MNAT1: variants seen among roughly 807,000 people sequenced by gnomAD.
The protein encoded by MNAT1 is MNAT1 component of CDK activating kinase.
A neutral mutation model predicts 42.0 loss-of-function variants in MNAT1; 43 were observed. The ratio of observed to expected loss-of-function variants is 1.02; its 90% CI spans 0.80 to 1.32. MNAT1 has a LOEUF of 1.32. Ranked by LOEUF, MNAT1 falls within the 40% of genes most tolerant of loss-of-function variation. The pLI is 0.00. For missense variants in MNAT1, 306 were observed against 350.4 expected (o/e 0.87, Z 1.01); for synonymous variants, 118 against 120.0 (o/e 0.98, Z 0.11).
chr14:60,935,578 C>A (rs1473893636), intron 7 of MNAT1, among the ~76,000 whole-genome samples: 1 of 152,052 alleles, frequency 6.6e-6, no homozygotes, highest in Non-Finnish European at 1.5e-5. Flanking sequence ...TTAACAAATA[C>A]TGTGAGTGTG....
intron 7 of MNAT1, among the ~76,000 whole-genome samples, chr14:60,917,676 G>T (rs1433308045): frequency 1.3e-5 from 2 of 150,898 alleles, no homozygotes; most frequent in Non-Finnish European, 2.9e-5. Context: ...AGGCTGGAGT[G>T]GAGTGGCGTG....
At chr14:60,967,804 G>A (rs1276463164) in intron 7 of MNAT1, among the ~76,000 whole-genome samples, 2 of 152,068 alleles carry the variant, frequency 1.3e-5, no homozygotes, top group Non-Finnish European at 2.9e-5. Context: ...GCTATTGAGG[G>A]TTTGCTTTAA....
rs531211540 is a variant in MNAT1, at chr14:60,784,392, T to G, written c.90-11825T>G. 7.2e-5 allele frequency among the ~76,000 whole-genome samples: 11 copies of G among 151,824 alleles called. No homozygotes were observed. The South Asian group carries it at 2.3e-3, about 32-fold the overall frequency. ...GAGGGTCTTGCTGTGTTGCTCAGGC[T>G]GGTCTTGAACCCCTGGACTTAAATG... On this transcript the variant is annotated intron_variant, in intron 1 of 7. Transcript: ENST00000261245.
intron 3 of MNAT1, among the ~76,000 whole-genome samples, chr14:60,805,034 T>A (rs1185363398): frequency 6.6e-6 from 1 of 152,198 alleles, no homozygotes; most frequent in Non-Finnish European, 1.5e-5. Context: ...GAAACCAAGA[T>A]AATTTAGTCC....
intron 6 of MNAT1, among the ~76,000 whole-genome samples, chr14:60,838,294 C>T (rs927913091): frequency 6.6e-6 from 1 of 152,008 alleles, no homozygotes; most frequent in Non-Finnish European, 1.5e-5. Flanking sequence ...CACCACCACA[C>T]CTGGCGAATT....
chr14:60,750,606 A>C (rs2030045357), intron 1 of MNAT1, among the ~76,000 whole-genome samples: 1 of 150,748 alleles, frequency 6.6e-6, no homozygotes, highest in African/African-American at 2.4e-5. Context: ...TTTGTAGTTA[A>C]GATGTGAAAG....
chr14:60,824,687 T>C (rs2035806350), intron 6 of MNAT1, among the ~76,000 whole-genome samples: 1 of 152,216 alleles, frequency 6.6e-6, no homozygotes, highest in Non-Finnish European at 1.5e-5. Flanking sequence ...TGAGAAATGT[T>C]AACTTCATAT....
intron 7 of MNAT1, among the ~76,000 whole-genome samples, chr14:60,965,096 C>T (rs2036658532): frequency 6.6e-6 from 1 of 152,136 alleles, no homozygotes; most frequent in African/African-American, 2.4e-5. Context: ...ATAAGCAGGA[C>T]TCTCAACGAC....
chr14:60,759,607 G>A (rs539384478), intron 1 of MNAT1, among the ~76,000 whole-genome samples: 74 of 152,256 alleles, frequency 4.9e-4, no homozygotes, highest in South Asian at 1.0e-3. Flanking sequence ...ATGAATGTTG[G>A]AAATTGTTGA....
Position 60,833,333 on chromosome 14 carries a change from T to C in MNAT1, c.687+14486T>C, listed in dbSNP as rs534582124. 1.2e-4 allele frequency among the ~76,000 whole-genome samples: 19 copies of C among 152,324 alleles called. No individual in the cohort carries two copies. In the South Asian group the frequency reaches 3.3e-3, roughly 27 times the overall value. ...ATGGGTTTGTCATAAATAGCTCTTG[T>C]TATTTTGAGATACATTCCGTCAATA... On this transcript the variant is annotated intron_variant, in intron 6 of 7. Coordinates refer to ENST00000261245, the MANE Select transcript of MNAT1 (RefSeq NM_002431.4).
intron 7 of MNAT1, among the ~76,000 whole-genome samples, chr14:60,950,739 C>T (rs551952579): frequency 6.6e-5 from 10 of 152,286 alleles, no homozygotes; most frequent in African/African-American, 2.4e-4. Flanking sequence ...ATTCAAACCC[C>T]TTTCATCTTT....
intron 1 of MNAT1, among the ~76,000 whole-genome samples, chr14:60,775,315 T>C (rs1339621317): frequency 6.6e-6 from 1 of 152,160 alleles, no homozygotes; most frequent in Admixed American, 6.5e-5. Context: ...AGATTGAGGA[T>C]ATTGGTAAAA....
intron 3 of MNAT1, among the ~76,000 whole-genome samples, chr14:60,800,792 T>C (rs2032179092): frequency 6.6e-6 from 1 of 152,190 alleles, no homozygotes; most frequent in Non-Finnish European, 1.5e-5. Context: ...TAAAGAGTGG[T>C]TCTACTCTAT....
chr14:60,803,893 T>G (rs2032286720), intron 3 of MNAT1, among the ~76,000 whole-genome samples: 1 of 152,188 alleles, frequency 6.6e-6, no homozygotes, highest in African/African-American at 2.4e-5. Context: ...AAGATGGACT[T>G]TCTTATGGCA....
chr14:60,774,554 AC>A (rs903872842), intron 1 of MNAT1, among the ~76,000 whole-genome samples: 57 of 152,230 alleles, frequency 3.7e-4, no homozygotes, highest in African/African-American at 1.4e-3. Context: ...TGTAGAGACT[AC>A]ATTTGGAGGA....
At chr14:60,847,175 C>T (rs1265065656) in intron 6 of MNAT1, among the ~76,000 whole-genome samples, 1 of 151,946 alleles carries the variant, frequency 6.6e-6, no homozygotes, top group East Asian at 1.9e-4. Flanking sequence ...GAGGCCGAGG[C>T]GGGCGGATCA....
At chr14:60,765,658 A>G (rs949220654) in intron 1 of MNAT1, among the ~76,000 whole-genome samples, 1 of 152,244 alleles carries the variant, frequency 6.6e-6, no homozygotes, top group Non-Finnish European at 1.5e-5. Flanking sequence ...TAGAGCTTTC[A>G]TAAGATTAAA....
intron 6 of MNAT1, among the ~76,000 whole-genome samples, chr14:60,825,104 C>T (rs895122483): frequency 6.6e-6 from 1 of 152,096 alleles, no homozygotes; most frequent in African/African-American, 2.4e-5. Flanking sequence ...GTATAAATAA[C>T]TCATATATGT....
chr14:60,968,549 T>C lies in MNAT1; in HGVS notation c.*200T>C, dbSNP rs1339383666. ...ATTTGTGAAAAATAATTTTTACTTA[T>C]ATTTTTCAGAGGATTTGACACGATA... On this transcript the variant is annotated 3_prime_UTR_variant, in exon 8 of 8. Transcript: ENST00000261245. The C allele has an allele frequency of 4.3e-6, 6 of 1,379,774 alleles. No individual in the cohort carries two copies. The highest frequency in any genetic ancestry group is 3.2e-5 in the East Asian group (1 of 31,736). The allele number at this position is 1,379,774 out of a possible 1,614,324, so 85.5% of individuals were successfully genotyped here.
Sources: gnomAD v4.1 joint callset for allele counts (sites outside exome capture counted in the v4.1 genomes callset) on GRCh38, gnomAD v4.1.1 for gene constraint, MANE v1.5 for transcripts, NCBI Gene and HGNC (gene_info 2026-07-23, HGNC 2026-07-21) for gene names.